Variants in ZGRF1 observed in about 807,000 individuals in gnomAD.
ZGRF1 encodes the protein zinc finger GRF-type containing 1, also known as 5'-3' DNA helicase ZGRF1.
ZGRF1 carries 196 observed loss-of-function variants against 203.5 expected under a neutral mutation model. The observed-to-expected ratio is 0.96, with a 90% confidence interval of 0.86 to 1.08. The LOEUF (loss-of-function observed/expected upper bound fraction) is 1.08, where lower values mean the gene tolerates loss of function less well. Ranked by LOEUF, ZGRF1 falls within the 50% of genes least tolerant of loss-of-function variation. ZGRF1 has a pLI of 0.00. For missense variants in ZGRF1, 2,326 were observed against 2,416.3 expected (o/e 0.96, Z 0.78); for synonymous variants, 809 against 841.3 (o/e 0.96, Z 0.66).
rs1745868350 is a variant in ZGRF1 at position 112,579,706 on chromosome 4, A to G, written c.4438+1957T>C. 1.6e-5 allele frequency among the ~76,000 whole-genome samples: 2 copies of G among 121,224 alleles called. 1 individual carries two copies. The highest frequency in any genetic ancestry group is 3.7e-5 in the Non-Finnish European group (2 of 54,508). The allele number at this position is 121,224 out of a possible 152,430, so 79.5% of individuals were successfully genotyped here. ...AAGAGAATAAAATACCTAGGAATCC[A>G]ACTTACAAGGGACGTGAAGGACCTC... On this transcript the variant is annotated intron_variant, in intron 16 of 27. Transcript: ENST00000505019.
At chr4:112,630,612 T>C (rs922079143) in intron 3 of ZGRF1, among the ~76,000 whole-genome samples, 1 of 152,138 alleles carries the variant, frequency 6.6e-6, no homozygotes, top group South Asian at 2.1e-4. Context: ...ATGTGTCCTA[T>C]ATAAAATTAG....
intron 24 of ZGRF1, among the ~76,000 whole-genome samples, chr4:112,545,733 A>G (rs190905259): frequency 8.5e-5 from 13 of 152,312 alleles, no homozygotes; most frequent in Non-Finnish European, 1.3e-4. Flanking sequence ...CCAACTATCT[A>G]TCAACAGAAA....
intron 4 of ZGRF1, among the ~76,000 whole-genome samples, chr4:112,621,946 T>C (rs1332904456): frequency 1.3e-5 from 2 of 151,190 alleles, no homozygotes; most frequent in East Asian, 4.2e-4. Context: ...CAGGCTGGTC[T>C]TGAACTCCTG....
rs776698158 is a variant in ZGRF1 at position 112,623,835 on chromosome 4, C to T, written c.144G>A (p.Leu48=). ...AAAATACCTCAAGGCATTTAAGAAA[C>T]AGACTCTCCAAACATGCTCCTTTGT... ...YDDKGACLES[L]FLKCLEVKPG... Residue 48 remains leucine, a synonymous_variant, in exon 4 of 28, where the codon CTG becomes CTA. Transcript: ENST00000505019. The T allele has an allele frequency of 6.3e-7, 1 of 1,582,226 alleles. No individual in the cohort carries two copies. The highest frequency in any genetic ancestry group is 8.6e-7 in the Non-Finnish European group (1 of 1,156,882).
At chr4:112,624,037 T>C (rs571165386) in intron 3 of ZGRF1, 161 bp from the exon 4 acceptor site, 1 of 581,544 alleles carries the variant, frequency 1.7e-6, no homozygotes, top group South Asian at 2.3e-5. Context: ...TGAATGTTTA[T>C]TATGCATCAG....
rs2047425503 is a variant in ZGRF1 at position 112,631,969 on chromosome 4, CCA to C, written c.61_62del (p.Trp21AlafsTer18). ...GAGTGATCTTCAGAATTCCATCTTG[CCA>C]CACTTTTGACTTCTTCATCTTTTGA... Reference protein sequence around the residue: ...THQKMKKSKVWQDGILKITHL... With the variant: ...THQKMKKSKVXQDGILKITHL... On this transcript the variant is annotated frameshift_variant, in exon 3 of 28. Coordinates refer to ENST00000505019, the MANE Select transcript of ZGRF1 (RefSeq NM_018392.5). LOFTEE classifies it high-confidence loss of function. 1.3e-6 allele frequency: 2 copies of C among 1,596,856 alleles called. No individual in the cohort carries two copies. Among genetic ancestry groups the C allele is most frequent in the Non-Finnish European group, 1.7e-6 (2 of 1,171,782 alleles).
intron 19 of ZGRF1, among the ~76,000 whole-genome samples, chr4:112,559,708 A>G (rs1271855456): frequency 6.6e-6 from 1 of 152,226 alleles, no homozygotes; most frequent in Non-Finnish European, 1.5e-5. Flanking sequence ...GGTGAATGCT[A>G]TTATGATCTC....
intron 10 of ZGRF1, among the ~76,000 whole-genome samples, chr4:112,593,800 G>A (rs559290418): frequency 7.3e-6 from 1 of 136,412 alleles, no homozygotes; most frequent in South Asian, 2.7e-4. Flanking sequence ...TTTAAGACAG[G>A]TCTTGCTCTG....
chr4:112,588,076 A>C (rs552876076), intron 11 of ZGRF1, 147 bp from the exon 12 acceptor site: 18 of 541,602 alleles, frequency 3.3e-5, no homozygotes, highest in East Asian at 3.3e-4. Flanking sequence ...AAAAAAAATT[A>C]ATGGTTTTAA....
At chr4:112,565,258 G>C (rs928278600) in intron 16 of ZGRF1, 7 of 1,590,362 alleles carry the variant, frequency 4.4e-6, no homozygotes, top group Non-Finnish European at 6.0e-6. Context: ...CGCAGCTATC[G>C]GTGCTTTGCA....
chr4:112,624,944 AC>A (rs1456558192), intron 3 of ZGRF1, among the ~76,000 whole-genome samples: 1 of 152,160 alleles, frequency 6.6e-6, no homozygotes, highest in Non-Finnish European at 1.5e-5. Flanking sequence ...AGTTGAAGTA[AC>A]CCAAAGGTAT....
Position 112,541,182 on chromosome 4 carries a change from G to A in ZGRF1, c.5685C>T (p.Ala1895=). The A allele has an allele frequency of 3.1e-6, 5 of 1,612,192 alleles. No individual in the cohort carries two copies. Among genetic ancestry groups the A allele is most frequent in the Non-Finnish European group, 4.2e-6 (5 of 1,178,874 alleles). ...CTATTTCTGTTACACCATTCATGAG[G>A]GCTCCTTTGTAAAACAGATCATTAG... ...AIANDLFYKG[A]LMNGVTEIER... The change falls in exon 25 of 28, where the codon GCC becomes GCT. Residue 1895 remains alanine (A), a synonymous_variant. Coordinates refer to ENST00000505019, the MANE Select transcript of ZGRF1 (RefSeq NM_018392.5).
chr4:112,554,392 C>T (rs551128900), intron 21 of ZGRF1, among the ~76,000 whole-genome samples: 29 of 152,062 alleles, frequency 1.9e-4, no homozygotes, highest in South Asian at 1.7e-3. Flanking sequence ...ATGTTTATTG[C>T]GGCAGTATTC....
At chr4:112,567,853 G>A (rs1221946217) in intron 16 of ZGRF1, among the ~76,000 whole-genome samples, 1 of 152,102 alleles carries the variant, frequency 6.6e-6, no homozygotes, top group Non-Finnish European at 1.5e-5. Flanking sequence ...TAGGGCCTAG[G>A]AGGTCAACGC....
intron 24 of ZGRF1, among the ~76,000 whole-genome samples, chr4:112,542,022 C>T (rs13135559): frequency 0.39 from 59,415 of 151,972 alleles, 11,855 homozygotes; most frequent in South Asian, 0.49. Context: ...TACTTTAACG[C>T]TCTTCGAGCA....
At chr4:112,582,010 A>T (rs1205785103) in intron 15 of ZGRF1, among the ~76,000 whole-genome samples, 1 of 152,208 alleles carries the variant, frequency 6.6e-6, no homozygotes, top group African/African-American at 2.4e-5. Context: ...CTGAGATAGA[A>T]AAGTATCTAA....
chr4:112,597,210 T>TC (rs1749167834), intron 10 of ZGRF1, among the ~76,000 whole-genome samples: 1 of 109,060 alleles, frequency 9.2e-6, no homozygotes, highest in Admixed American at 1.1e-4. Context: ...CCAAACTCCA[T>TC]CTAAAAAAAA....
chr4:112,547,223 C>G, intron 24 of ZGRF1, 62 bp downstream of exon 24: 2 of 1,034,142 alleles, frequency 1.9e-6, no homozygotes, highest in South Asian at 4.3e-5. Flanking sequence ...TCTCTATCAA[C>G]ACACACACAC....
At chr4:112,623,761 T>C in intron 4 of ZGRF1, 56 bp downstream of exon 4, 2 of 821,394 alleles carry the variant, frequency 2.4e-6, no homozygotes, top group Non-Finnish European at 2.0e-6. Context: ...ATAAAGGAGG[T>C]ATTTAAAGAG....
Sources: allele counts gnomAD v4.1 joint callset (sites outside exome capture counted in the v4.1 genomes callset), GRCh38; gene constraint gnomAD v4.1.1; transcripts MANE v1.5; gene names NCBI Gene and HGNC (gene_info 2026-07-23, HGNC 2026-07-21).